Variants in MAX observed in about 807,000 individuals in gnomAD.
The protein encoded by MAX is MYC associated transcriptional regulator X.
MAX carries 3 observed loss-of-function variants against 22.3 expected under a neutral mutation model. The observed-to-expected ratio is 0.13, with a 90% CI of 0.06 to 0.35. The LOEUF (loss-of-function observed/expected upper bound fraction) is 0.35, where lower values mean the gene tolerates loss of function less well. MAX is among the 10% of genes least tolerant of loss of function. The pLI, the probability that MAX is intolerant of heterozygous loss-of-function variation, is 1.00. For missense variants in MAX, 119 were observed against 209.4 expected (o/e 0.57, Z 2.66); for synonymous variants, 72 against 77.7 (o/e 0.93, Z 0.39).
At chr14:65,058,122 T>TC (rs1280082091) in intron 3 of MAX, among the ~76,000 whole-genome samples, 2 of 151,236 alleles carry the variant, frequency 1.3e-5, no homozygotes, top group African/African-American at 2.5e-5. Context: ...TTTTTTTTTT[T>TC]CTTCCTGTCT....
chr14:65,036,233 T>A (rs551007336), intron 3 of MAX, among the ~76,000 whole-genome samples: 8 of 152,208 alleles, frequency 5.3e-5, no homozygotes, highest in African/African-American at 1.7e-4. Flanking sequence ...TTAATTAATT[T>A]AATTTAATTT....
In MAX at chr14:65,030,768, C is replaced by T. The variant is rs548076237; in HGVS notation, c.172-24484G>A. Among the ~76,000 whole-genome samples the T allele has an allele frequency of 2.0e-3, 298 of 151,814 alleles. 2 individuals are homozygous for T. Among genetic ancestry groups the T allele is most frequent in the African/African-American group, 6.8e-3 (283 of 41,426 alleles). Reference sequence around the variant, plus strand: ...AAAAAAAAAGAAGATGGAAACTAGGCCCTTCTTTTATGTTTCTTAGGAGCC... The same window carrying T: ...AAAAAAAAAGAAGATGGAAACTAGGTCCTTCTTTTATGTTTCTTAGGAGCC... On this transcript the variant is annotated intron_variant, in intron 3 of 3. Transcript: ENST00000341653. The surrounding 1 kb of genome is among the most constrained non-coding windows in gnomAD (Gnocchi z 4.5).
Position 65,032,811 on chromosome 14 carries a change from G to C in MAX, c.172-26527C>G, listed in dbSNP as rs1275160452. 1.1e-6 allele frequency: 1 copy of C among 947,026 alleles called. No homozygotes were observed. Among genetic ancestry groups the C allele is most frequent in the East Asian group, 2.9e-5 (1 of 34,736 alleles). The allele number at this position is 947,026 out of a possible 1,614,324, so 58.7% of individuals were successfully genotyped here. A position where few individuals can be genotyped will look rare whatever the true frequency, so the allele number is the denominator to read the frequency against. On this transcript the variant is annotated intron_variant, in intron 3 of 3. Transcript: ENST00000341653. This position sits in a 1 kb window ranked among gnomAD's most constrained non-coding sequence, Gnocchi z 5.0. ...GGAAGGAAATACAAAAATCACAGGA[G>C]ATCCATTAGGGTTATCTAATGATTT...
chr14:65,092,762 G>C (rs539944080), intron 3 of MAX, among the ~76,000 whole-genome samples: 1 of 152,036 alleles, frequency 6.6e-6, no homozygotes, highest in East Asian at 1.9e-4. Flanking sequence ...AAAGCATAAG[G>C]GTTCCAAATT....
intron 3 of MAX, among the ~76,000 whole-genome samples, chr14:65,043,812 G>C (rs993599620): frequency 8.7e-6 from 1 of 114,700 alleles, no homozygotes; most frequent in South Asian, 3.3e-4. Context: ...CTGGGCGACA[G>C]AGCGAGACTC....
In MAX at chr14:65,054,167, C is replaced by T. The variant is rs1180000990; in HGVS notation, c.171+39541G>A. On this transcript the variant is annotated intron_variant, in intron 3 of 3. Transcript: ENST00000341653. This position sits in a 1 kb window ranked among gnomAD's most constrained non-coding sequence, Gnocchi z 4.4. ...TCACTCTGTCACCCAGGCTGGAGTGCAGTGTCACAATCATGACTCACTGCA... is the reference window on the plus strand; with the variant it reads ...TCACTCTGTCACCCAGGCTGGAGTGTAGTGTCACAATCATGACTCACTGCA... Among the ~76,000 whole-genome samples the T allele has an allele frequency of 6.6e-6, 1 of 152,050 alleles. No homozygotes were observed. The highest frequency in any genetic ancestry group is 1.5e-5 in the Non-Finnish European group (1 of 68,016).
At chr14:65,072,620 T>C (rs1481122645), downstream of MAX, among the ~76,000 whole-genome samples, 1 of 152,130 alleles carries the variant, frequency 6.6e-6, no homozygotes, top group Admixed American at 6.5e-5. Flanking sequence ...CACTTTAGAT[T>C]AGAGGGGTTA....
rs200217078 is a variant in MAX at position 65,078,199 on chromosome 14, A to ATTTATTTT, written c.172-171_172-164dup. Among the ~76,000 whole-genome samples the ATTTATTTT allele has an allele frequency of 6.6e-6, 1 of 151,548 alleles. No individual in the cohort carries two copies. Among genetic ancestry groups the ATTTATTTT allele is most frequent in the Non-Finnish European group, 1.5e-5 (1 of 67,984 alleles). ...TGGCTACTGTAGGCTTTATTTATTT[A>ATTTATTTT]TTTATTTTTTTATTTTTTTGAGACA... On this transcript the variant is annotated intron_variant, in intron 3 of 4. Coordinates refer to ENST00000358664, the MANE Select transcript of MAX (RefSeq NM_002382.5). This position sits in a 1 kb window ranked among gnomAD's most constrained non-coding sequence, Gnocchi z 6.4.
At chr14:65,052,818 T>C (rs2062644630) in intron 3 of MAX, among the ~76,000 whole-genome samples, 2 of 152,200 alleles carry the variant, frequency 1.3e-5, no homozygotes, top group Admixed American at 1.3e-4. Flanking sequence ...TCTGAGCTAA[T>C]CAGTCTGGTT....
chr14:65,021,204 CAG>C (rs1240860346), intron 3 of MAX, among the ~76,000 whole-genome samples: 1 of 152,156 alleles, frequency 6.6e-6, no homozygotes, highest in Admixed American at 6.5e-5. Context: ...TTCAGTGAAA[CAG>C]AGCAAAATAA....
At chr14:65,068,397 T>G (rs376084044) in intron 3 of MAX, among the ~76,000 whole-genome samples, 1 of 152,322 alleles carries the variant, frequency 6.6e-6, no homozygotes, top group South Asian at 2.1e-4. Flanking sequence ...ATTGTGCCAC[T>G]GCACTCCAAC....
In MAX at chr14:65,085,518, T is replaced by C. The variant is rs148532281; in HGVS notation, c.172-7482A>G. On this transcript the variant is annotated intron_variant, in intron 3 of 4. Coordinates refer to ENST00000358664, the MANE Select transcript of MAX (RefSeq NM_002382.5). The stretch of plus-strand genomic sequence containing the variant: ...TACTCTTGGGGGAGTGAGACCTCTC[T>C]CATTCTGTATGACAGTCTCCCAGAA... Among the ~76,000 whole-genome samples the C allele has an allele frequency of 3.3e-5, 5 of 152,316 alleles. No individual in the cohort carries two copies. In the East Asian group the frequency reaches 5.8e-4, roughly 18 times the overall value.
Position 65,084,454 on chromosome 14 carries a change from T to A in MAX, c.172-6418A>T, listed in dbSNP as rs1267787051. Among the ~76,000 whole-genome samples the A allele has an allele frequency of 6.7e-6, 1 of 149,216 alleles. No individual in the cohort carries two copies. Among genetic ancestry groups the A allele is most frequent in the Non-Finnish European group, 1.5e-5 (1 of 67,308 alleles). On this transcript the variant is annotated intron_variant, in intron 3 of 4. Coordinates refer to ENST00000358664, the MANE Select transcript of MAX (RefSeq NM_002382.5). The surrounding 1 kb of genome is among the most constrained non-coding windows in gnomAD (Gnocchi z 4.3). Reference sequence around the variant, plus strand: ...TACTCTCAAAACACTACCAAAAGACTACTCTTTAGAATTTGCTTGAAAAAA... The same window carrying A: ...TACTCTCAAAACACTACCAAAAGACAACTCTTTAGAATTTGCTTGAAAAAA...
rs567536119 is a variant in MAX at position 65,078,885 on chromosome 14, G to A, written c.172-849C>T. Among the ~76,000 whole-genome samples the A allele has an allele frequency of 2.1e-3, 316 of 152,298 alleles. 3 individuals are homozygous for A. Among genetic ancestry groups the A allele is most frequent in the Non-Finnish European group, 2.2e-3 (148 of 68,032 alleles). ...GTGCTTTACAGAGCTTAACTCACAA[G>A]ATTAGTCTCAGAGGTAGCTCTACTA... On this transcript the variant is annotated intron_variant, in intron 3 of 4. Coordinates refer to ENST00000358664, the MANE Select transcript of MAX (RefSeq NM_002382.5). This position sits in a 1 kb window ranked among gnomAD's most constrained non-coding sequence, Gnocchi z 6.4.
intron 3 of MAX, chr14:65,040,828 G>C: frequency 1.9e-6 from 3 of 1,613,738 alleles, no homozygotes; most frequent in Non-Finnish European, 1.7e-6. Flanking sequence ...GGGGTACCAG[G>C]GATGGAAGCC....
At chr14:65,008,675 C>T (rs961728132) in intron 3 of MAX, among the ~76,000 whole-genome samples, 1 of 152,292 alleles carries the variant, frequency 6.6e-6, no homozygotes, top group Non-Finnish European at 1.5e-5. Context: ...ACAGCATGTG[C>T]TAAAGCCAGG....
At chr14:65,053,321 G>C (rs773579351) in intron 3 of MAX, 24 of 1,442,378 alleles carry the variant, frequency 1.7e-5, no homozygotes. Flanking sequence ...CCAGTGCCCT[G>C]CGGGGGGGCT....
At chr14:65,064,349 C>T (rs1332402447) in intron 3 of MAX, among the ~76,000 whole-genome samples, 1 of 152,028 alleles carries the variant, frequency 6.6e-6, no homozygotes, top group East Asian at 1.9e-4. Flanking sequence ...AAAACTTGAC[C>T]CAAACTGGCT....
chr14:65,006,367 A>G lies in MAX; in HGVS notation c.172-83T>C, dbSNP rs532919128. Reference sequence around the variant, plus strand: ...CTAAACCAAATCTCTGCATTAACCCAATGCTCTGACCTCAATAAAATGAAT... The same window carrying G: ...CTAAACCAAATCTCTGCATTAACCCGATGCTCTGACCTCAATAAAATGAAT... On this transcript the variant is annotated intron_variant, in intron 3 of 3. Transcript: ENST00000341653. 1.9e-6 allele frequency: 3 copies of G among 1,578,310 alleles called. No homozygotes were observed. In the African/African-American group the frequency reaches 4.1e-5, roughly 22 times the overall value.
Sources: allele counts gnomAD v4.1 joint callset (sites outside exome capture counted in the v4.1 genomes callset), GRCh38; gene constraint gnomAD v4.1.1; non-coding constraint Gnocchi (gnomAD v3.1); transcripts MANE v1.5; gene names NCBI Gene and HGNC (gene_info 2026-07-23, HGNC 2026-07-21).